The following RNLS variants were observed in gnomAD, a reference collection of about 807,000 sequenced individuals.
The protein encoded by RNLS is renalase, FAD dependent amine oxidase, also known as renalase.
Under a neutral mutation model 39.8 loss-of-function variants are expected in RNLS, and 39 were observed. The observed-to-expected ratio is 0.98, with a 90% confidence interval of 0.76 to 1.28. The LOEUF is 1.28. RNLS is among the 50% of genes most tolerant of loss of function. The pLI is 0.00. For synonymous variants in RNLS, 147 were observed against 150.7 expected, an observed-to-expected ratio of 0.98 and a Z score of 0.18; for missense variants, 410 against 413.3, an observed-to-expected ratio of 0.99 and a Z score of 0.07.
intron 5 of RNLS, among the ~76,000 whole-genome samples, chr10:88,324,896 A>G (rs1485338941): frequency 6.6e-6 from 1 of 152,144 alleles, no homozygotes; most frequent in Non-Finnish European, 1.5e-5. Flanking sequence ...GGAGTCATAC[A>G]GTATTTGTCC....
chr10:88,313,642 A>G (rs1589526149), intron 6 of RNLS, among the ~76,000 whole-genome samples: 2 of 152,200 alleles, frequency 1.3e-5, no homozygotes, highest in East Asian at 3.9e-4. Flanking sequence ...CCACAACACC[A>G]CTTTTTCTAC....
the RNLS span, among the ~76,000 whole-genome samples, chr10:88,203,735 A>G: frequency 6.6e-6 from 1 of 150,726 alleles, no homozygotes. Context: ...AAATTTCATG[A>G]AACATTTTTT....
downstream of RNLS, among the ~76,000 whole-genome samples, chr10:88,279,204 A>G (rs190257066): frequency 2.5e-3 from 381 of 152,300 alleles, no homozygotes; most frequent in African/African-American, 8.4e-3. Flanking sequence ...GCACTTAAAT[A>G]CAGTCACCAG....
At chr10:88,249,920 A>C in the RNLS span, among the ~76,000 whole-genome samples, 2 of 152,166 alleles carry the variant, frequency 1.3e-5, no homozygotes, top group Non-Finnish European at 2.9e-5. Context: ...GGAGTGTCAA[A>C]ATTTCTGGGG....
At chr10:88,426,742 G>A (rs868356916) in intron 4 of RNLS, among the ~76,000 whole-genome samples, 1 of 152,056 alleles carries the variant, frequency 6.6e-6, no homozygotes, top group African/African-American at 2.4e-5. Flanking sequence ...AGGCACCAAA[G>A]ACAGTAAGGA....
rs373406108 is a variant in RNLS, at chr10:88,347,647, G to A, written c.700+14905C>T. ...AAGCAATGATGGATATAAAGCAACT[G>A]CTCACACCAGAACCATACTGAGGTT... is the stretch of plus-strand genomic sequence containing the variant. On this transcript the variant is annotated intron_variant, in intron 5 of 6. Transcript: ENST00000331772. Among the ~76,000 whole-genome samples the A allele has an allele frequency of 2.6e-5, 4 of 152,102 alleles. No homozygotes were observed. In the East Asian group the frequency reaches 7.8e-4, roughly 29 times the overall value.
At chr10:88,295,747 T>A (rs1008623524) in intron 6 of RNLS, among the ~76,000 whole-genome samples, 3 of 152,186 alleles carry the variant, frequency 2.0e-5, no homozygotes, top group African/African-American at 7.2e-5. Context: ...CACAAATCAA[T>A]TATATGATCC....
intron 6 of RNLS, among the ~76,000 whole-genome samples, chr10:88,312,646 A>G (rs1845461290): frequency 6.6e-6 from 1 of 152,196 alleles, no homozygotes; most frequent in Non-Finnish European, 1.5e-5. Flanking sequence ...ATCACTATAG[A>G]GAGTTAAAAC....
At chr10:88,193,944 G>A in the RNLS span, among the ~76,000 whole-genome samples, 326 of 152,232 alleles carry the variant, frequency 2.1e-3, 2 homozygotes, top group African/African-American at 7.5e-3. Flanking sequence ...TATTTATTTC[G>A]CATTGGTCAT....
chr10:88,220,146 C>G, the RNLS span, among the ~76,000 whole-genome samples: 1 of 152,340 alleles, frequency 6.6e-6, no homozygotes, highest in South Asian at 2.1e-4. Context: ...GTTGAGGAGG[C>G]TGAAAATCCA....
At chr10:88,455,051 T>C (rs1208586312) in intron 4 of RNLS, among the ~76,000 whole-genome samples, 1 of 152,162 alleles carries the variant, frequency 6.6e-6, no homozygotes, top group Non-Finnish European at 1.5e-5. Flanking sequence ...ATATGTTCTG[T>C]TCTCAAGAAG....
chr10:88,581,794 G>A (rs1850582980), intron 2 of RNLS, 85 bp from the exon 3 acceptor site: 1 of 897,626 alleles, frequency 1.1e-6, no homozygotes, highest in South Asian at 3.2e-5. Context: ...ATAATTCTCA[G>A]AGGTTATAAT....
chr10:88,218,699 TCTAA>T, the RNLS span, among the ~76,000 whole-genome samples: 2 of 152,196 alleles, frequency 1.3e-5, no homozygotes, highest in African/African-American at 4.8e-5. Context: ...TTCCCCTGCC[TCTAA>T]CTCACCCCAA....
chr10:88,303,246 T>C (rs962228237), intron 6 of RNLS, among the ~76,000 whole-genome samples: 2 of 152,214 alleles, frequency 1.3e-5, no homozygotes, highest in Non-Finnish European at 2.9e-5. Context: ...GGAGCCCAGA[T>C]GGTTTGGTGC....
At chr10:88,541,013 T>A (rs1848010642) in intron 4 of RNLS, among the ~76,000 whole-genome samples, 1 of 151,754 alleles carries the variant, frequency 6.6e-6, no homozygotes, top group African/African-American at 2.4e-5. Context: ...AAAGTACATT[T>A]CTTAACTAGC....
At chr10:88,229,691 T>C in the RNLS span, among the ~76,000 whole-genome samples, 2 of 152,220 alleles carry the variant, frequency 1.3e-5, no homozygotes, top group Non-Finnish European at 2.9e-5. Flanking sequence ...CCCCAGTCTC[T>C]GGCAACCATT....
rs1439130370 is a variant in RNLS at position 88,437,998 on chromosome 10, T to C, written c.527-75273A>G. Reference sequence around the variant, plus strand: ...AAAATTAGCTGGGCGTGGTAGCACATGCCTGTAATCCCAGCTACTTGGGAG... The same window carrying C: ...AAAATTAGCTGGGCGTGGTAGCACACGCCTGTAATCCCAGCTACTTGGGAG... On this transcript the variant is annotated intron_variant, in intron 4 of 6. Transcript: ENST00000331772. Among the ~76,000 whole-genome samples the C allele has an allele frequency of 2.0e-5, 3 of 152,100 alleles. 1 individual carries two copies. In the East Asian group the frequency reaches 5.8e-4, roughly 29 times the overall value.
chr10:88,247,840 G>A, the RNLS span, among the ~76,000 whole-genome samples: 1 of 152,170 alleles, frequency 6.6e-6, no homozygotes, highest in Non-Finnish European at 1.5e-5. Context: ...GTTTCAGAGT[G>A]ATGAGATATG....
At chr10:88,197,774 T>C in the RNLS span, among the ~76,000 whole-genome samples, 2 of 152,090 alleles carry the variant, frequency 1.3e-5, no homozygotes, top group Non-Finnish European at 2.9e-5. Context: ...GACGAGGAGA[T>C]AGGAGTTTGC....
Sources: gnomAD v4.1 joint callset for allele counts (sites outside exome capture counted in the v4.1 genomes callset) on GRCh38, gnomAD v4.1.1 for gene constraint, MANE v1.5 for transcripts, NCBI Gene and HGNC (gene_info 2026-07-23, HGNC 2026-07-21) for gene names.